MVD: variants seen among roughly 807,000 people sequenced by gnomAD.
MVD encodes the protein mevalonate diphosphate decarboxylase.
MVD carries 52 observed loss-of-function variants against 42.4 expected under a neutral mutation model. The observed-to-expected ratio is 1.23, with a 90% CI of 0.98 to 1.55. The LOEUF (loss-of-function observed/expected upper bound fraction) is 1.55. Ranked by LOEUF, MVD falls within the 40% of genes most tolerant of loss-of-function variation. MVD has a pLI of 0.00. For missense variants in MVD, 663 were observed against 572.1 expected (o/e 1.16, Z -1.62); for synonymous variants, 287 against 243.2 (o/e 1.18, Z -1.68).
rs1907911951 is a variant in MVD, at chr16:88,656,164, T to C, written c.544A>G (p.Ile182Val). The C allele has an allele frequency of 1.9e-6, 3 of 1,602,188 alleles. No homozygotes were observed. The highest frequency in any genetic ancestry group is 1.7e-6 in the Non-Finnish European group (2 of 1,179,906). ...MGEQADGKDS[I>V]ARQVAPESHW... ...GACTCGGGGGCCACTTGCCGAGCGA[T>C]GCTGTCCTTCCCGTCGGCCTGCTCT... The change falls in exon 5 of 10, where the codon ATC becomes GTC. Residue 182 changes from isoleucine to valine, a missense_variant. By Grantham distance (29) the Ile-to-Val change is conservative. Transcript: ENST00000301012.
chr16:88,655,806 C>A, intron 5 of MVD, 76 bp from the exon 6 acceptor site: 2 of 1,501,148 alleles, frequency 1.3e-6, no homozygotes, highest in Non-Finnish European at 1.8e-6. Context: ...AAACACTCGG[C>A]CCTCCCTCAG....
rs1176669403 is a variant in MVD, at chr16:88,653,424, AG to A, written c.1014-17del. 1.9e-6 allele frequency: 3 copies of A among 1,597,754 alleles called. No homozygotes were observed. The highest frequency in any genetic ancestry group is 3.5e-5 in the Admixed American group (2 of 57,286). On this transcript the variant is annotated splice_polypyrimidine_tract_variant and intron_variant, in intron 8 of 9. Coordinates refer to ENST00000301012, the MANE Select transcript of MVD (RefSeq NM_002461.3). ...CTTCAGAAACCTGGAAAAGCAGGGCAGGGGCACGGTGAATGCATCCGTTTCT... is the reference window on the plus strand; with the variant it reads ...CTTCAGAAACCTGGAAAAGCAGGGCAGGGCACGGTGAATGCATCCGTTTCT...
chr16:88,662,794 C>T, intron 1 of MVD: 1 of 1,474,766 alleles, frequency 6.8e-7, no homozygotes, highest in Non-Finnish European at 8.9e-7. Context: ...GCAGGGGCGG[C>T]AGCCGTCGCG....
At chr16:88,660,248 C>T (rs1246249590) in intron 1 of MVD, among the ~76,000 whole-genome samples, 1 of 152,172 alleles carries the variant, frequency 6.6e-6, no homozygotes, top group Non-Finnish European at 1.5e-5. Context: ...CTTGAGCCAG[C>T]ACCCCCTCCT....
Position 88,656,394 on chromosome 16 carries a change from A to G in MVD, c.404-90T>C, listed in dbSNP as rs990341673. The G allele has an allele frequency of 1.8e-5, 25 of 1,370,378 alleles. No homozygotes were observed. The East Asian group carries it at 1.9e-4, about 10-fold the overall frequency. The allele number at this position is 1,370,378 out of a possible 1,614,324, so 84.9% of individuals were successfully genotyped here. Reference sequence around the variant, plus strand: ...CCGCCCCAGGAACGTCCCACACCCCACGGCAAATGGGGATTTCCAGATGAC... The same window carrying G: ...CCGCCCCAGGAACGTCCCACACCCCGCGGCAAATGGGGATTTCCAGATGAC... On this transcript the variant is annotated intron_variant, in intron 4 of 9. Transcript: ENST00000301012.
chr16:88,654,970 C>T (rs1051641661), intron 7 of MVD, 163 bp from the exon 8 acceptor site: 8 of 851,728 alleles, frequency 9.4e-6, no homozygotes, highest in East Asian at 2.7e-5. Context: ...GTACTTGACA[C>T]GTCTGCCTGT....
intron 4 of MVD, chr16:88,656,878 T>C (rs1222702306): frequency 3.2e-5 from 9 of 279,494 alleles, no homozygotes; most frequent in Non-Finnish European, 5.7e-5. Flanking sequence ...GGGGTGAAGA[T>C]GGTGTGAGAC....
chr16:88,654,660 C>G, intron 8 of MVD, 32 bp downstream of exon 8: 1 of 1,578,232 alleles, frequency 6.3e-7, no homozygotes, highest in Non-Finnish European at 8.6e-7. Flanking sequence ...CACCATCTCC[C>G]AAAAAGGAGG....
Position 88,652,446 on chromosome 16 carries a change from G to T in MVD, c.*79C>A, listed in dbSNP as rs1024349927. 1 of 1,477,826 alleles carries T rather than the reference G, an allele frequency of 6.8e-7. No individual in the cohort carries two copies. Among genetic ancestry groups the T allele is most frequent in the Non-Finnish European group, 9.2e-7 (1 of 1,083,180 alleles). The allele number at this position is 1,477,826 out of a possible 1,614,324, so 91.5% of individuals were successfully genotyped here. On this transcript the variant is annotated 3_prime_UTR_variant, in exon 10 of 10. Transcript: ENST00000301012. ...CACCACCCACATGTCCCAGGAGTCC[G>T]GCCAGCCCACCACATCCGCTCCCTA... is the stretch of plus-strand genomic sequence containing the variant.
chr16:88,652,637 G>A (rs1211306941), intron 9 of MVD, 32 bp from the exon 10 acceptor site: 1 of 1,534,310 alleles, frequency 6.5e-7, no homozygotes, highest in African/African-American at 1.4e-5. Context: ...AGGTCACCAG[G>A]AATGGCAGCG....
rs1198581994 is a variant in MVD, at chr16:88,652,356, C to A, written c.*169G>T. ...CACTCGGCGGGGACCTCTCCTGACA[C>A]CTGGGCGGCCGCAGGACTCCCTGCA... is the stretch of plus-strand genomic sequence containing the variant. On this transcript the variant is annotated 3_prime_UTR_variant, in exon 10 of 10. Transcript: ENST00000301012. 6.9e-6 allele frequency: 5 copies of A among 722,016 alleles called. No individual in the cohort carries two copies. The highest frequency in any genetic ancestry group is 4.9e-5 in the South Asian group (3 of 61,762). 44.7% of individuals were successfully genotyped at this position (722,016 alleles called of 1,614,324 possible).
At chr16:88,658,910 A>G (rs1249804469) in intron 1 of MVD, 190 bp from the exon 2 acceptor site, 2 of 580,280 alleles carry the variant, frequency 3.4e-6, no homozygotes, top group East Asian at 3.1e-5. Flanking sequence ...CACTGAGCTC[A>G]GGCTCCCAGA....
chr16:88,656,023 C>A lies in MVD; in HGVS notation c.603+82G>T, dbSNP rs149452028. On this transcript the variant is annotated intron_variant, in intron 5 of 9. Coordinates refer to ENST00000301012, the MANE Select transcript of MVD (RefSeq NM_002461.3). Reference sequence around the variant, plus strand: ...GAGCCAAGCAAAGCCTGGATGGACGCCTTCGCTCCTGCTCCCGGCAGCAGC... The same window carrying A: ...GAGCCAAGCAAAGCCTGGATGGACGACTTCGCTCCTGCTCCCGGCAGCAGC... 4.6e-5 allele frequency: 69 copies of A among 1,504,096 alleles called. No individual in the cohort carries two copies. In the East Asian group the frequency reaches 1.5e-3, roughly 34 times the overall value. 93.2% of individuals were successfully genotyped at this position (1,504,096 alleles called of 1,614,324 possible).
Position 88,651,987 on chromosome 16 carries a change from G to A in MVD, c.*538C>T, listed in dbSNP as rs954877208. Reference sequence around the variant, plus strand: ...CCATGGCCACCGGGGCCGCACTGGTGCCCACTCCTGCCACCATTCCAGCCA... The same window carrying A: ...CCATGGCCACCGGGGCCGCACTGGTACCCACTCCTGCCACCATTCCAGCCA... On this transcript the variant is annotated 3_prime_UTR_variant, in exon 10 of 10. Transcript: ENST00000301012. The A allele has an allele frequency of 1.0e-5, 2 of 192,418 alleles. No individual in the cohort carries two copies. The highest frequency in any genetic ancestry group is 2.4e-5 in the African/African-American group (1 of 41,878). 11.9% of individuals were successfully genotyped at this position (192,418 alleles called of 1,614,324 possible).
chr16:88,654,111 GCT>G (rs1907752877), intron 8 of MVD, among the ~76,000 whole-genome samples: 2 of 151,926 alleles, frequency 1.3e-5, no homozygotes, highest in African/African-American at 4.8e-5. Context: ...GTACATGGGG[GCT>G]CTGTGGCACC....
intron 1 of MVD, chr16:88,662,612 G>T: frequency 1.9e-6 from 2 of 1,076,160 alleles, no homozygotes; most frequent in Non-Finnish European, 2.3e-6. Context: ...CGCGATTTCC[G>T]CTCACTGCAG....
chr16:88,653,323 C>A lies in MVD; in HGVS notation c.1099G>T (p.Val367Phe). 6.2e-7 allele frequency: 1 copy of A among 1,600,216 alleles called. No individual in the cohort carries two copies. The highest frequency in any genetic ancestry group is 1.8e-5 in the Admixed American group (1 of 55,458). ...ACCTGAGTGACAATGATGTATTTGA[C>A]CCCACCGGGGGTCGGCTCCATGGCC... ...ALAMEPTPGG[V>F]KYIIVTQVGP... The change falls in exon 9 of 10, where the codon GTC (valine) becomes TTC (phenylalanine). Residue 367 changes from valine to phenylalanine, a missense_variant. Val to Phe is a conservative substitution (Grantham distance 50, BLOSUM62 -1). Coordinates refer to ENST00000301012, the MANE Select transcript of MVD (RefSeq NM_002461.3).
At position 88,653,382 on chromosome 16, in the gene MVD, G is replaced by C; in HGVS notation, c.1040C>G (p.Pro347Arg). The C allele has an allele frequency of 6.2e-7, 1 of 1,602,798 alleles. No homozygotes were observed. Among genetic ancestry groups the C allele is most frequent in the Non-Finnish European group, 8.5e-7 (1 of 1,177,088 alleles). Residue 347 changes from proline (P) to arginine (R), a missense_variant, in exon 9 of 10, where the codon CCG (proline) becomes CGG (arginine). Transcript: ENST00000301012. ...DTFLKGLQVR[P>R]APLSAELQAA... is the part of the protein sequence containing the mutation. ...CTGAAGCTCAGCTGAGAGAGGGGCC[G>C]GCCTCACCTGCAGCCCCTTCAGAAA...
chr16:88,662,829 T>G, intron 1 of MVD, 182 bp downstream of exon 1: 6 of 1,453,618 alleles, frequency 4.1e-6, no homozygotes, highest in Non-Finnish European at 5.4e-6. Flanking sequence ...GCCGAGCTTG[T>G]CACGCGAAGG....
Sources: allele counts gnomAD v4.1 joint callset (sites outside exome capture counted in the v4.1 genomes callset), GRCh38; gene constraint gnomAD v4.1.1; transcripts MANE v1.5; gene names NCBI Gene and HGNC (gene_info 2026-07-23, HGNC 2026-07-21).